POU6F2: variants seen among roughly 807,000 people sequenced by gnomAD.
POU6F2 encodes the protein POU class 6 homeobox 2.
Under a neutral mutation model 71.3 loss-of-function variants are expected in POU6F2, and 31 were observed. The observed-to-expected ratio is 0.43, with a 90% CI of 0.33 to 0.59. The LOEUF is 0.59. Among genes scored for constraint, POU6F2 ranks in the 20% least tolerant of loss-of-function variants. The pLI is 0.04. For synonymous variants in POU6F2, 347 were observed against 355.7 expected, an observed-to-expected ratio of 0.98 and a Z score of 0.27; for missense variants, 783 against 856.8, an observed-to-expected ratio of 0.91 and a Z score of 1.07.
intron 6 of POU6F2, among the ~76,000 whole-genome samples, chr7:39,415,364 G>T (rs1189211106): frequency 6.6e-6 from 1 of 152,200 alleles, no homozygotes. Context: ...GTTTTCCTGG[G>T]AATTGGGAAA....
intron 1 of POU6F2, among the ~76,000 whole-genome samples, chr7:39,008,369 G>A (rs991846547): frequency 6.6e-6 from 1 of 151,972 alleles, no homozygotes; most frequent in African/African-American, 2.4e-5. Context: ...CTTTTTGATG[G>A]GGTTGTTTTT....
At chr7:39,067,611 CT>C (rs1382058378) in intron 1 of POU6F2, among the ~76,000 whole-genome samples, 1 of 152,022 alleles carries the variant, frequency 6.6e-6, no homozygotes, top group Non-Finnish European at 1.5e-5. Context: ...CAATACCAGT[CT>C]TTGTTGTTGC....
chr7:39,274,433 A>T (rs1273165616), intron 4 of POU6F2, among the ~76,000 whole-genome samples: 3 of 143,206 alleles, frequency 2.1e-5, no homozygotes, highest in African/African-American at 7.7e-5. Context: ...AAAAGAGTCC[A>T]GGACCAGATG....
intron 5 of POU6F2, among the ~76,000 whole-genome samples, chr7:39,369,305 A>G (rs1361069011): frequency 6.6e-6 from 1 of 152,156 alleles, no homozygotes; most frequent in Non-Finnish European, 1.5e-5. Flanking sequence ...AAGACCCTCC[A>G]TCAGCAAAAA....
At chr7:39,200,042 A>G (rs1415831115) in intron 2 of POU6F2, among the ~76,000 whole-genome samples, 1 of 152,230 alleles carries the variant, frequency 6.6e-6, no homozygotes, top group Non-Finnish European at 1.5e-5. Flanking sequence ...TGTATCTGAG[A>G]TGATTCCTCC....
intron 4 of POU6F2, among the ~76,000 whole-genome samples, chr7:39,211,238 C>G (rs181252777): frequency 6.6e-6 from 1 of 151,810 alleles, no homozygotes; most frequent in East Asian, 1.9e-4. Flanking sequence ...CCATGGCATC[C>G]CCCAATATCA....
At chr7:39,033,921 T>A (rs1379896149) in intron 1 of POU6F2, among the ~76,000 whole-genome samples, 1 of 152,216 alleles carries the variant, frequency 6.6e-6, no homozygotes, top group Non-Finnish European at 1.5e-5. Flanking sequence ...CCCTGTCTTC[T>A]CAGCTGTAAT....
chr7:39,271,559 G>A (rs111274872), intron 4 of POU6F2, among the ~76,000 whole-genome samples: 4 of 151,126 alleles, frequency 2.6e-5, no homozygotes, highest in African/African-American at 9.7e-5. Flanking sequence ...ATCACAGAGT[G>A]CCCGGGCCTG....
chr7:39,261,358 G>T (rs931780685), intron 4 of POU6F2, among the ~76,000 whole-genome samples: 1 of 152,212 alleles, frequency 6.6e-6, no homozygotes, highest in Non-Finnish European at 1.5e-5. Context: ...TATTAAAGTA[G>T]GTCATTCCAG....
intron 4 of POU6F2, among the ~76,000 whole-genome samples, chr7:39,231,608 G>T (rs1188969151): frequency 6.6e-6 from 1 of 151,998 alleles, no homozygotes; most frequent in Non-Finnish European, 1.5e-5. Context: ...AGTTAAGCGG[G>T]TCTCTATGAC....
rs563431123 is a variant in POU6F2, at chr7:39,221,429, C to CCTCCAGA, written c.598+13812_598+13818dup. Among the ~76,000 whole-genome samples, 9 of 122,794 alleles carry CCTCCAGA rather than the reference C, an allele frequency of 7.3e-5. No individual in the cohort carries two copies. In the South Asian group the frequency reaches 2.0e-3, roughly 28 times the overall value. The allele number at this position is 122,794 out of a possible 152,430, so 80.6% of individuals were successfully genotyped here. A position where few individuals can be genotyped will look rare whatever the true frequency, so the allele number is the denominator to read the frequency against. On this transcript the variant is annotated intron_variant, in intron 4 of 9. Transcript: ENST00000518318. ...TTTTTGAGACAGTGTCTCGCTCTGT[C>CCTCCAGA]CTCCAGACTGGAGTGCGGTGGCATG...
chr7:39,035,517 C>A (rs559341697), intron 1 of POU6F2, among the ~76,000 whole-genome samples: 5 of 152,012 alleles, frequency 3.3e-5, no homozygotes, highest in Non-Finnish European at 7.4e-5. Flanking sequence ...GAACTGGCAG[C>A]GACAAAGACA....
In POU6F2 at chr7:39,339,987, C is replaced by T; in HGVS notation, c.944C>T (p.Ser315Leu). 6.2e-7 allele frequency: 1 copy of T among 1,612,536 alleles called. No homozygotes were observed. The highest frequency in any genetic ancestry group is 8.5e-7 in the Non-Finnish European group (1 of 1,178,726). ...PSQSPGHGLP[S>L]PLTPPNPLQL... ...CAGTCTCCAGGACATGGCCTGCCTT[C>T]ACCGCTCACGCCACCCAATCCTCTA... The change falls in exon 5 of 10, where the codon TCA becomes TTA. Residue 315 changes from serine (S) to leucine (L), a missense_variant. Coordinates refer to ENST00000518318, the MANE Select transcript of POU6F2 (RefSeq NM_001370959.1).
intron 4 of POU6F2, among the ~76,000 whole-genome samples, chr7:39,249,185 T>G (rs1490950894): frequency 6.6e-6 from 1 of 152,276 alleles, no homozygotes; most frequent in Non-Finnish European, 1.5e-5. Flanking sequence ...TGCTGACTCC[T>G]TAATGTGCTG....
intron 1 of POU6F2, among the ~76,000 whole-genome samples, chr7:39,027,201 T>C (rs369040074): frequency 2.0e-5 from 3 of 152,266 alleles, no homozygotes; most frequent in East Asian, 1.9e-4. Context: ...ATAGGAAATA[T>C]ATTTGTATGC....
At chr7:39,081,438 G>A (rs925809413) in intron 1 of POU6F2, among the ~76,000 whole-genome samples, 1 of 152,172 alleles carries the variant, frequency 6.6e-6, no homozygotes, top group East Asian at 1.9e-4. Flanking sequence ...TTCCACATGG[G>A]TATGACTGCA....
Position 39,466,364 on chromosome 7 carries a change from G to T in POU6F2, c.*1678G>T, listed in dbSNP as rs562516348. Reference sequence around the variant, plus strand: ...CATGTTGGGATGTGAGGACGGCTGTGCAGGTGAGCACTTGGCAGCTGCCAC... The same window carrying T: ...CATGTTGGGATGTGAGGACGGCTGTTCAGGTGAGCACTTGGCAGCTGCCAC... On this transcript the variant is annotated 3_prime_UTR_variant, in exon 10 of 10. Transcript: ENST00000518318. The T allele has an allele frequency of 1.3e-5, 2 of 152,382 alleles. No homozygotes were observed. The highest frequency in any genetic ancestry group is 3.9e-4 in the East Asian group (2 of 5,192). 9.4% of individuals were successfully genotyped at this position (152,382 alleles called of 1,614,324 possible).
intron 2 of POU6F2, among the ~76,000 whole-genome samples, chr7:39,146,818 C>CA (rs1332384130): frequency 6.6e-6 from 1 of 152,170 alleles, no homozygotes; most frequent in East Asian, 1.9e-4. Context: ...ATTCAGCGCA[C>CA]AGTGGACTCT....
At chr7:39,291,072 C>A (rs573146205) in intron 4 of POU6F2, among the ~76,000 whole-genome samples, 7 of 149,418 alleles carry the variant, frequency 4.7e-5, no homozygotes, top group African/African-American at 1.5e-4. Context: ...AGCATCATTG[C>A]TTAAGGTTTA....
Sources: gnomAD v4.1 joint callset for allele counts (sites outside exome capture counted in the v4.1 genomes callset) on GRCh38, gnomAD v4.1.1 for gene constraint, MANE v1.5 for transcripts, NCBI Gene and HGNC (gene_info 2026-07-23, HGNC 2026-07-21) for gene names.